Variants in NCAM2 observed in about 807,000 individuals in gnomAD.
NCAM2 encodes the protein N-CAM-2.
Under a neutral mutation model 98.1 loss-of-function variants are expected in NCAM2, and 30 were observed. That is an observed-to-expected ratio of 0.31 (90% CI 0.23 to 0.41). NCAM2 has a LOEUF of 0.41. Ranked by LOEUF, NCAM2 falls within the 10% of genes least tolerant of loss-of-function variation. The pLI, the probability that NCAM2 is intolerant of heterozygous loss-of-function variation, is 1.00. For synonymous variants in NCAM2, 368 were observed against 342.4 expected, an observed-to-expected ratio of 1.07 and a Z score of -0.83; for missense variants, 867 against 1,005.8, an observed-to-expected ratio of 0.86 and a Z score of 1.87.
At chr21:21,294,871 T>C (rs2073421701) in intron 5 of NCAM2, among the ~76,000 whole-genome samples, 1 of 151,698 alleles carries the variant, frequency 6.6e-6, no homozygotes, top group African/African-American at 2.4e-5. Flanking sequence ...CTTAAAGATG[T>C]TTCAGTGAAA....
At chr21:21,429,099 A>T (rs893649055) in intron 11 of NCAM2, among the ~76,000 whole-genome samples, 2 of 152,206 alleles carry the variant, frequency 1.3e-5, no homozygotes, top group Non-Finnish European at 2.9e-5. Context: ...CTTTTGCTTT[A>T]AAAGAAGTAA....
intron 17 of NCAM2, among the ~76,000 whole-genome samples, chr21:21,535,536 C>G (rs2146431757): frequency 6.6e-6 from 1 of 151,986 alleles, no homozygotes; most frequent in Admixed American, 6.5e-5. Context: ...TTCATAAATT[C>G]CCTCTGTCTA....
chr21:21,323,796 A>G (rs1241925671), intron 5 of NCAM2, among the ~76,000 whole-genome samples: 2 of 152,182 alleles, frequency 1.3e-5, no homozygotes, highest in African/African-American at 4.8e-5. Context: ...TCTTCATAAA[A>G]TGTTCTATAG....
chr21:21,476,204 T>G (rs1281323596), intron 14 of NCAM2, among the ~76,000 whole-genome samples: 1 of 152,094 alleles, frequency 6.6e-6, no homozygotes, highest in Admixed American at 6.6e-5. Flanking sequence ...AGGCTGTAAT[T>G]TATTTATATT....
intron 12 of NCAM2, among the ~76,000 whole-genome samples, chr21:21,448,795 A>C (rs1447525870): frequency 6.6e-6 from 1 of 152,070 alleles, no homozygotes; most frequent in East Asian, 1.9e-4. Context: ...AAAAGAAGAA[A>C]AGTAATCCAC....
intron 1 of NCAM2, among the ~76,000 whole-genome samples, chr21:21,209,191 A>G (rs2147070928): frequency 6.6e-6 from 1 of 151,910 alleles, no homozygotes; most frequent in Admixed American, 6.6e-5. Flanking sequence ...TGCCATTTCT[A>G]GGGTTGATAA....
chr21:21,089,867 T>C (rs767485296), intron 1 of NCAM2, among the ~76,000 whole-genome samples: 27 of 152,172 alleles, frequency 1.8e-4, no homozygotes, highest in Non-Finnish European at 3.7e-4. Flanking sequence ...CAATTCCTGG[T>C]TTAAAAATGG....
At chr21:21,489,192 A>G (rs1240059395) in intron 15 of NCAM2, among the ~76,000 whole-genome samples, 1 of 151,886 alleles carries the variant, frequency 6.6e-6, no homozygotes. Context: ...GCAGGGTTTC[A>G]CCATGTTGGC....
At chr21:21,522,229 T>C (rs970597948) in intron 16 of NCAM2, among the ~76,000 whole-genome samples, 1 of 147,388 alleles carries the variant, frequency 6.8e-6, no homozygotes, top group Non-Finnish European at 1.5e-5. Context: ...ATGACTATTA[T>C]ATTTATGAAG....
At chr21:21,383,186 T>G (rs891286931) in intron 9 of NCAM2, among the ~76,000 whole-genome samples, 3 of 152,310 alleles carry the variant, frequency 2.0e-5, no homozygotes, top group Non-Finnish European at 1.5e-5. Flanking sequence ...TGTGGGGATT[T>G]TATTTTTCAA....
intron 1 of NCAM2, among the ~76,000 whole-genome samples, chr21:21,147,699 AACAT>A (rs1248318584): frequency 4.4e-5 from 6 of 136,124 alleles, no homozygotes; most frequent in African/African-American, 1.5e-4. Flanking sequence ...ATACATCAAA[AACAT>A]ACATATTATA....
chr21:21,293,636 A>C (rs2073373672), intron 5 of NCAM2, among the ~76,000 whole-genome samples: 1 of 145,802 alleles, frequency 6.9e-6, no homozygotes, highest in Admixed American at 6.9e-5. Flanking sequence ...TGCATAAAGG[A>C]TAGGTTTAAA....
intron 5 of NCAM2, among the ~76,000 whole-genome samples, chr21:21,296,817 G>C (rs2073500982): frequency 6.6e-6 from 1 of 151,712 alleles, no homozygotes; most frequent in Non-Finnish European, 1.5e-5. Flanking sequence ...GTAATTTTAA[G>C]ACTTCTAGTG....
At chr21:21,430,082 G>T (rs935587969) in intron 11 of NCAM2, among the ~76,000 whole-genome samples, 2 of 151,832 alleles carry the variant, frequency 1.3e-5, no homozygotes, top group African/African-American at 2.4e-5. Context: ...GGCTGGATTT[G>T]CAGGGACATG....
At chr21:21,046,875 A>G (rs1012761016) in intron 1 of NCAM2, among the ~76,000 whole-genome samples, 3 of 152,342 alleles carry the variant, frequency 2.0e-5, no homozygotes, top group African/African-American at 7.2e-5. Context: ...AAACCAAACA[A>G]TAATAGCAAA....
intron 1 of NCAM2, among the ~76,000 whole-genome samples, chr21:21,150,095 T>A (rs1181902752): frequency 6.6e-6 from 1 of 152,142 alleles, no homozygotes; most frequent in Non-Finnish European, 1.5e-5. Flanking sequence ...GTTCCTTATA[T>A]ATTATGTGAA....
At chr21:21,484,352 G>T (rs952840976) in intron 15 of NCAM2, among the ~76,000 whole-genome samples, 1 of 151,820 alleles carries the variant, frequency 6.6e-6, no homozygotes, top group African/African-American at 2.4e-5. Flanking sequence ...CTTTCCTACT[G>T]TCACGTTTTT....
chr21:21,312,566 G>T (rs947355544), intron 5 of NCAM2, among the ~76,000 whole-genome samples: 2 of 44,186 alleles, frequency 4.5e-5, no homozygotes, highest in Non-Finnish European at 9.4e-5. Flanking sequence ...TATATTCACA[G>T]GAAAAAGAAA....
At chr21:21,519,079 T>C (rs970279984) in intron 16 of NCAM2, among the ~76,000 whole-genome samples, 14 of 151,988 alleles carry the variant, frequency 9.2e-5, no homozygotes, top group African/African-American at 3.4e-4. Context: ...CTTGCTATGT[T>C]CAAAGGCAAA....
Sources: allele counts gnomAD v4.1 joint callset (sites outside exome capture counted in the v4.1 genomes callset), GRCh38; gene constraint gnomAD v4.1.1; transcripts MANE v1.5; gene names NCBI Gene and HGNC (gene_info 2026-07-23, HGNC 2026-07-21).